The following MTOR variants were observed in gnomAD, a reference collection of about 807,000 sequenced individuals.
MTOR encodes the protein mechanistic target of rapamycin kinase, also known as serine/threonine-protein kinase mTOR.
In MTOR, 70 loss-of-function variants were observed where a neutral mutation model predicts 319.8. The ratio of observed to expected loss-of-function variants is 0.22; its 90% CI spans 0.18 to 0.27. MTOR has a LOEUF of 0.27. MTOR is among the 10% of genes least tolerant of loss of function. The probability of loss-of-function intolerance (pLI) is 1.00; values close to 1 mark genes in which losing one functional copy is unlikely to be tolerated. For synonymous variants in MTOR, 1,183 were observed against 1,211.4 expected (o/e 0.98, Z 0.49); for missense variants, 1,890 against 3,274.4 (o/e 0.58, Z 10.32).
chr1:11,166,545 T>C lies in MTOR; in HGVS notation c.4329+897A>G, dbSNP rs558209337. Among the ~76,000 whole-genome samples the C allele has an allele frequency of 3.3e-5, 5 of 152,298 alleles. No individual in the cohort carries two copies. The South Asian group carries it at 1.0e-3, about 32-fold the overall frequency. On this transcript the variant is annotated intron_variant, in intron 29 of 57. Transcript: ENST00000361445. ...AATGCAAATCAAAACCACAATGAGA[T>C]ACCATCTCACACCAGTTAGAATGAC...
rs2100286427 is a variant in MTOR, at chr1:11,109,287, C to T, written c.7528+3G>A. 1.2e-6 allele frequency: 2 copies of T among 1,613,256 alleles called. No homozygotes were observed. The highest frequency in any genetic ancestry group is 1.7e-6 in the Non-Finnish European group (2 of 1,179,654). ...CTTTTAAGTAAACACATGACACACT[C>T]ACCAGTGAGCTTATCTCGAACCCTG... is the stretch of plus-strand genomic sequence containing the variant. On this transcript the variant is annotated splice_donor_region_variant and intron_variant, in intron 56 of 57. Coordinates refer to ENST00000361445, the MANE Select transcript of MTOR (RefSeq NM_004958.4). This position sits in a 1 kb window ranked among gnomAD's most constrained non-coding sequence, Gnocchi z 4.0.
rs758956339 is a variant in MTOR at position 11,114,396 on chromosome 1, G to A, written c.7222C>T (p.Arg2408Ter). The A allele has an allele frequency of 6.2e-7, 1 of 1,614,140 alleles. No homozygotes were observed. Among genetic ancestry groups the A allele is most frequent in the Non-Finnish European group, 8.5e-7 (1 of 1,180,036 alleles). The part of the protein sequence containing the change: ...ITCHTVMEVL[R>*]EHKDSVMAVL... ...GCCATGACACTGTCCTTGTGCTCTCGCAGCACCTCCATCACTGTGTGGCAT... is the reference window on the plus strand; with the variant it reads ...GCCATGACACTGTCCTTGTGCTCTCACAGCACCTCCATCACTGTGTGGCAT... Residue 2408 changes from arginine to a stop codon, truncating the protein, a stop_gained, in exon 53 of 58, where the codon CGA becomes TGA. Coordinates refer to ENST00000361445, the MANE Select transcript of MTOR (RefSeq NM_004958.4). LOFTEE classifies it high-confidence loss of function.
chr1:11,165,120 G>C (rs1644601930), intron 29 of MTOR, among the ~76,000 whole-genome samples: 1 of 152,144 alleles, frequency 6.6e-6, no homozygotes, highest in South Asian at 2.1e-4. Flanking sequence ...AGATATTTAT[G>C]ACAAACCCAC....
At chr1:11,257,293 T>C in intron 3 of MTOR, 128 bp from the exon 4 acceptor site, 1 of 773,178 alleles carries the variant, frequency 1.3e-6, no homozygotes, top group South Asian at 1.7e-5. Context: ...CCTAGCACTT[T>C]GGGAGGCTGA....
rs1359732921 is a variant in MTOR at position 11,128,153 on chromosome 1, A to G, written c.5911-27T>C. ...TGAGGGAAAAACAGAAGAAACATCT[A>G]TAAAGGAAATGTGGGTTGGGGAAGA... On this transcript the variant is annotated intron_variant, in intron 42 of 57. Transcript: ENST00000361445. This position sits in a 1 kb window ranked among gnomAD's most constrained non-coding sequence, Gnocchi z 5.3. 27 of 1,612,746 alleles carry G rather than the reference A, an allele frequency of 1.7e-5. No homozygotes were observed. Among genetic ancestry groups the G allele is most frequent in the Non-Finnish European group, 2.1e-5 (25 of 1,179,544 alleles).
intron 28 of MTOR, chr1:11,193,844 G>A (rs1454414558): frequency 7.5e-6 from 11 of 1,461,602 alleles, no homozygotes; most frequent in Admixed American, 5.7e-5. Context: ...AACTCCGGGG[G>A]TGCCATTCCT....
intron 34 of MTOR, among the ~76,000 whole-genome samples, chr1:11,139,975 C>T (rs776334347): frequency 6.6e-6 from 1 of 152,052 alleles, no homozygotes; most frequent in Non-Finnish European, 1.5e-5. Flanking sequence ...CAGGCGTGAG[C>T]CAGCACGCCC....
In MTOR at chr1:11,121,394, AAG is replaced by A; in HGVS notation, c.6811-28_6811-27del. ...CTGCATCAGGACACAACTGTTCAGTAAGAGAGCAGCCTAAGACATGTAGTTTG... is the reference window on the plus strand; with the variant it reads ...CTGCATCAGGACACAACTGTTCAGTAAGAGCAGCCTAAGACATGTAGTTTG... On this transcript the variant is annotated intron_variant, in intron 48 of 57. Coordinates refer to ENST00000361445, the MANE Select transcript of MTOR (RefSeq NM_004958.4). This position sits in a 1 kb window ranked among gnomAD's most constrained non-coding sequence, Gnocchi z 4.9. 6.2e-7 allele frequency: 1 copy of A among 1,613,444 alleles called. No homozygotes were observed.
chr1:11,116,778 T>A (rs1287348740), intron 50 of MTOR, among the ~76,000 whole-genome samples: 1 of 152,242 alleles, frequency 6.6e-6, no homozygotes, highest in Admixed American at 6.5e-5. Flanking sequence ...CATGAGCCAC[T>A]GCACCCAGCT....
chr1:11,207,916 C>T (rs887625354), intron 25 of MTOR, among the ~76,000 whole-genome samples: 1 of 152,194 alleles, frequency 6.6e-6, no homozygotes, highest in African/African-American at 2.4e-5. Flanking sequence ...TTTTGTCTAT[C>T]TGGCAAGGTT....
chr1:11,144,854 G>T, intron 33 of MTOR, 99 bp from the exon 34 acceptor site: 2 of 1,511,602 alleles, frequency 1.3e-6, no homozygotes, highest in Admixed American at 1.7e-5. Context: ...GGTATCTGCC[G>T]ATCAGAGAAA....
At position 11,106,975 on chromosome 1, in the gene MTOR, G is replaced by A. The variant is rs1641610549; in HGVS notation, c.*510C>T. 7.3e-7 allele frequency: 1 copy of A among 1,370,752 alleles called. No individual in the cohort carries two copies. The highest frequency in any genetic ancestry group is 3.4e-5 in the East Asian group (1 of 29,438). The allele number at this position is 1,370,752 out of a possible 1,614,324, so 84.9% of individuals were successfully genotyped here. A position where few individuals can be genotyped will look rare whatever the true frequency, so the allele number is the denominator to read the frequency against. On this transcript the variant is annotated 3_prime_UTR_variant, in exon 58 of 58. Coordinates refer to ENST00000361445, the MANE Select transcript of MTOR (RefSeq NM_004958.4). The stretch of plus-strand genomic sequence containing the variant: ...CTATCTTGCAAACATTTCTGCTGCT[G>A]TCCACAGACCAGTGAGGTCTTGGGA...
chr1:11,200,749 C>T (rs1645935314), intron 26 of MTOR, among the ~76,000 whole-genome samples: 2 of 152,158 alleles, frequency 1.3e-5, no homozygotes, highest in African/African-American at 2.4e-5. Flanking sequence ...GGCGTGGTGG[C>T]TCACGCCTGT....
rs1400481584 is a variant in MTOR, at chr1:11,106,908, A to C, written c.*577T>G. On this transcript the variant is annotated 3_prime_UTR_variant, in exon 58 of 58. Transcript: ENST00000361445. ...ATTGAAGCGTGTGAGTCGCAGCATC[A>C]CTGGGTCTGATGGAAGACAGACCTT... 7.3e-7 allele frequency: 1 copy of C among 1,367,686 alleles called. No homozygotes were observed. Among genetic ancestry groups the C allele is most frequent in the Non-Finnish European group, 9.6e-7 (1 of 1,037,578 alleles). The allele number at this position is 1,367,686 out of a possible 1,614,324, so 84.7% of individuals were successfully genotyped here. A position where few individuals can be genotyped will look rare whatever the true frequency, so the allele number is the denominator to read the frequency against.
At chr1:11,118,407 T>G (rs557902003) in intron 49 of MTOR, among the ~76,000 whole-genome samples, 2 of 151,566 alleles carry the variant, frequency 1.3e-5, no homozygotes, top group East Asian at 3.9e-4. Context: ...CAGCTAATTT[T>G]TGTATTTTTA....
At chr1:11,171,962 G>A (rs1393280064) in intron 28 of MTOR, among the ~76,000 whole-genome samples, 3 of 151,020 alleles carry the variant, frequency 2.0e-5, no homozygotes, top group Admixed American at 2.0e-4. Context: ...TTGAACCTGG[G>A]AAGGTTGCAG....
intron 30 of MTOR, among the ~76,000 whole-genome samples, chr1:11,153,190 G>C (rs989029001): frequency 2.0e-5 from 3 of 152,212 alleles, no homozygotes; most frequent in Admixed American, 1.3e-4. Flanking sequence ...GGAGTGGAAG[G>C]GGAAGGGGCC....
In MTOR at chr1:11,238,615, G is replaced by A. The variant is rs1647526787; in HGVS notation, c.1789C>T (p.His597Tyr). The change falls in exon 12 of 58, where the codon CAC becomes TAC. Residue 597 changes from histidine to tyrosine, a missense_variant and splice_region_variant. His to Tyr is a moderately conservative substitution (Grantham distance 83, BLOSUM62 2). Transcript: ENST00000361445. ...TGGCGAACAAATTGGGTCAGAGAGT[G>A]GCCTGGATAGAAAGGCAGAGAGAAA... is the stretch of plus-strand genomic sequence containing the variant. ...RTLGSFEFEG[H>Y]SLTQFVRHCA... 2 of 1,606,308 alleles carry A rather than the reference G, an allele frequency of 1.2e-6. No homozygotes were observed. Among genetic ancestry groups the A allele is most frequent in the Admixed American group, 1.7e-5 (1 of 59,600 alleles).
chr1:11,245,213 T>C (rs1476025193), intron 8 of MTOR, among the ~76,000 whole-genome samples: 2 of 152,202 alleles, frequency 1.3e-5, no homozygotes, highest in Non-Finnish European at 2.9e-5. Flanking sequence ...CAAGCTAAAG[T>C]GTTATTTCTC....
Sources: allele counts gnomAD v4.1 joint callset (sites outside exome capture counted in the v4.1 genomes callset), GRCh38; gene constraint gnomAD v4.1.1; non-coding constraint Gnocchi (gnomAD v3.1); transcripts MANE v1.5; gene names NCBI Gene and HGNC (gene_info 2026-07-23, HGNC 2026-07-21).